The following SPATA13 variants were observed in gnomAD, a reference collection of about 807,000 sequenced individuals.
SPATA13 encodes spermatogenesis associated 13, also known as spermatogenesis-associated protein 13.
A neutral mutation model predicts 104.0 loss-of-function variants in SPATA13; 50 were observed. The ratio of observed to expected loss-of-function variants is 0.48; its 90% CI spans 0.38 to 0.61. The LOEUF (loss-of-function observed/expected upper bound fraction) is 0.61, where lower values mean the gene tolerates loss of function less well. Among genes scored for constraint, SPATA13 ranks in the 20% least tolerant of loss-of-function variants. The probability of loss-of-function intolerance (pLI) is 0.00; values close to 1 mark genes in which losing one functional copy is unlikely to be tolerated. For missense variants in SPATA13, 1,524 were observed against 1,690.6 expected (o/e 0.90, Z 1.73); for synonymous variants, 606 against 667.5 (o/e 0.91, Z 1.42).
intron 1 of SPATA13, among the ~76,000 whole-genome samples, chr13:24,164,722 A>T (rs1882650464): frequency 1.3e-5 from 2 of 152,150 alleles, no homozygotes; most frequent in South Asian, 2.1e-4. Flanking sequence ...TAGGAGATCC[A>T]CCTGCATCCC....
chr13:24,156,732 G>A (rs1293871346), upstream of SPATA13, among the ~76,000 whole-genome samples: 1 of 152,136 alleles, frequency 6.6e-6, no homozygotes, highest in Admixed American at 6.5e-5. Flanking sequence ...AGTGAGCTGG[G>A]ACTTTACATA....
rs536714575 is a variant in SPATA13, at chr13:24,070,624, G to C, written c.-112+52923G>C. Among the ~76,000 whole-genome samples the C allele has an allele frequency of 1.5e-3, 227 of 152,318 alleles. 3 individuals are homozygous for C. Among genetic ancestry groups the C allele is most frequent in the African/African-American group, 5.2e-3 (215 of 41,572 alleles). On this transcript the variant is annotated intron_variant, in intron 3 of 14. Transcript: ENST00000424834. ...GATATTTGGTTGAACATTATTCTGT[G>C]TGTTTCTGTCAGAATGATTTTGGAT...
intron 2 of SPATA13, among the ~76,000 whole-genome samples, chr13:23,993,970 GTTTT>G: frequency 7.4e-6 from 1 of 134,588 alleles, no homozygotes; most frequent in East Asian, 2.1e-4. Context: ...TGGTGGTGGT[GTTTT>G]TTTTTTTTTT....
At chr13:24,120,084 G>A (rs1219097331) in intron 3 of SPATA13, among the ~76,000 whole-genome samples, 1 of 152,090 alleles carries the variant, frequency 6.6e-6, no homozygotes, top group Non-Finnish European at 1.5e-5. Flanking sequence ...GGGGCAGATG[G>A]ATCAGGTGCA....
Position 24,190,279 on chromosome 13 carries a change from T to TAAC in SPATA13, c.-112+29348_-112+29349insACA, listed in dbSNP as rs1486766333. On this transcript the variant is annotated intron_variant, in intron 1 of 12. Transcript: ENST00000382108. ...AATATACATAATATATATTATTATA[T>TAAC]ATAATATATAATATTATATATTATT... Among the ~76,000 whole-genome samples, 2 of 8,216 alleles carry TAAC rather than the reference T, an allele frequency of 2.4e-4. 1 individual carries two copies. Among genetic ancestry groups the TAAC allele is most frequent in the Non-Finnish European group, 0.021 (2 of 96 alleles). 5.4% of individuals were successfully genotyped at this position (8,216 alleles called of 152,430 possible). A position where few individuals can be genotyped will look rare whatever the true frequency, so the allele number is the denominator to read the frequency against.
intron 2 of SPATA13, among the ~76,000 whole-genome samples, chr13:24,003,720 C>A (rs1354436074): frequency 6.6e-6 from 1 of 152,084 alleles, no homozygotes; most frequent in Non-Finnish European, 1.5e-5. Flanking sequence ...TTAACTAATG[C>A]AAAATATTTG....
chr13:24,189,820 A>T (rs1869464299), intron 1 of SPATA13, among the ~76,000 whole-genome samples: 3 of 56,448 alleles, frequency 5.3e-5, no homozygotes, highest in Non-Finnish European at 9.7e-5. Context: ...ATATATTATA[A>T]ATATATATAA....
At chr13:24,212,086 G>C (rs1232280471) in intron 1 of SPATA13, among the ~76,000 whole-genome samples, 1 of 152,134 alleles carries the variant, frequency 6.6e-6, no homozygotes, top group African/African-American at 2.4e-5. Flanking sequence ...ATGAATGAAT[G>C]AATCAAGTCT....
At chr13:24,233,965 A>C (rs1593445601) in intron 2 of SPATA13, among the ~76,000 whole-genome samples, 1 of 152,056 alleles carries the variant, frequency 6.6e-6, no homozygotes, top group African/African-American at 2.4e-5. Context: ...AATCTAAATA[A>C]AATTATCGTA....
In SPATA13 at chr13:24,079,604, C is replaced by T. The variant is rs77066479; in HGVS notation, c.-112+61903C>T. 8.6e-3 allele frequency among the ~76,000 whole-genome samples: 1,305 copies of T among 152,226 alleles called. 20 individuals are homozygous for T. The highest frequency in any genetic ancestry group is 0.03 in the African/African-American group (1,247 of 41,524). ...TGCTAGTAATACAGGGGGGTCCTGA[C>T]GGCTTGAGGGAGAGACTTTTCCTGC... On this transcript the variant is annotated intron_variant, in intron 3 of 14. Transcript: ENST00000424834.
intron 5 of SPATA13, among the ~76,000 whole-genome samples, chr13:24,285,788 C>T (rs1485235631): frequency 6.6e-6 from 1 of 150,888 alleles, no homozygotes; most frequent in Admixed American, 6.6e-5. Context: ...TCAAGTGATT[C>T]TCCAGCCTCA....
upstream of SPATA13, among the ~76,000 whole-genome samples, chr13:24,159,131 A>AT (rs1555265095): frequency 7.9e-5 from 12 of 151,622 alleles, no homozygotes; most frequent in Middle Eastern, 3.4e-3. Context: ...AGACCGTGAT[A>AT]TTTTTTTTTA....
intron 3 of SPATA13, among the ~76,000 whole-genome samples, chr13:24,078,579 G>T (rs557818265): frequency 6.6e-6 from 1 of 152,214 alleles, no homozygotes; most frequent in Non-Finnish European, 1.5e-5. Context: ...GAGGGTCCCA[G>T]CATGGTGCTG....
At chr13:24,082,842 A>C (rs1263017868) in intron 3 of SPATA13, among the ~76,000 whole-genome samples, 1 of 150,706 alleles carries the variant, frequency 6.6e-6, no homozygotes, top group Non-Finnish European at 1.5e-5. Context: ...AAAAAAAAAA[A>C]AAAAAAAAAA....
intron 3 of SPATA13, among the ~76,000 whole-genome samples, chr13:24,072,735 G>T (rs533841897): frequency 3.3e-5 from 5 of 151,492 alleles, no homozygotes; most frequent in African/African-American, 1.2e-4. Context: ...GTGCACCTAC[G>T]ATGCCCTTGG....
chr13:24,149,542 A>G (rs147515401), intron 3 of SPATA13, among the ~76,000 whole-genome samples: 1,727 of 152,318 alleles, frequency 0.011, 16 homozygotes, highest in Admixed American at 0.02. Flanking sequence ...TGTTCATTAG[A>G]GGAGTTCTGC....
At chr13:24,166,161 A>G (rs1161921607) in intron 1 of SPATA13, among the ~76,000 whole-genome samples, 2 of 152,262 alleles carry the variant, frequency 1.3e-5, no homozygotes, top group East Asian at 3.8e-4. Flanking sequence ...ATAAATGTAT[A>G]TGTAATACTT....
At chr13:24,189,444 A>T (rs1482024407) in intron 1 of SPATA13, among the ~76,000 whole-genome samples, 7 of 148,466 alleles carry the variant, frequency 4.7e-5, no homozygotes, top group Non-Finnish European at 1.0e-4. Context: ...ACTGCACTCC[A>T]GCCTGGGTGA....
intron 3 of SPATA13, among the ~76,000 whole-genome samples, chr13:24,142,898 C>T (rs1205814764): frequency 1.3e-5 from 2 of 152,212 alleles, no homozygotes. Context: ...TGGTCATCCT[C>T]ATGTCAGTCA....
Sources: gnomAD v4.1 joint callset for allele counts (sites outside exome capture counted in the v4.1 genomes callset) on GRCh38, gnomAD v4.1.1 for gene constraint, MANE v1.5 for transcripts, NCBI Gene and HGNC (gene_info 2026-07-23, HGNC 2026-07-21) for gene names.